Variants in FBXO9 observed in about 807,000 individuals in gnomAD.
The protein encoded by FBXO9 is F-box only protein 9.
FBXO9 carries 43 observed loss-of-function variants against 63.7 expected under a neutral mutation model. The observed-to-expected ratio is 0.67, with a 90% CI of 0.53 to 0.87. FBXO9 has a LOEUF of 0.87. Among genes scored for constraint, FBXO9 ranks in the 40% least tolerant of loss-of-function variants. The probability of loss-of-function intolerance (pLI) is 0.00; values close to 1 mark genes in which losing one functional copy is unlikely to be tolerated. For synonymous variants in FBXO9, 156 were observed against 171.7 expected (o/e 0.91, Z 0.72); for missense variants, 442 against 533.2 (o/e 0.83, Z 1.68).
chr6:53,096,317 A>G (rs1419480793), intron 12 of FBXO9, among the ~76,000 whole-genome samples: 1 of 152,244 alleles, frequency 6.6e-6, no homozygotes, highest in Non-Finnish European at 1.5e-5. Flanking sequence ...AATTAAGGTT[A>G]GCTCTTGTTC....
In FBXO9 at chr6:53,073,651, A is replaced by T; in HGVS notation, c.249+12A>T. 6.6e-7 allele frequency: 1 copy of T among 1,516,346 alleles called. No individual in the cohort carries two copies. Among genetic ancestry groups the T allele is most frequent in the Non-Finnish European group, 8.8e-7 (1 of 1,137,780 alleles). The allele number at this position is 1,516,346 out of a possible 1,614,324, so 93.9% of individuals were successfully genotyped here. On this transcript the variant is annotated intron_variant, in intron 3 of 12. Coordinates refer to ENST00000323557, the MANE Select transcript of FBXO9 (RefSeq NM_033480.3). The stretch of plus-strand genomic sequence containing the variant: ...CAAAAGAAGAAAAGTTAAGTATTAT[A>T]GATATTGTAACAAATTACATTTTTT...
chr6:53,078,827 A>C lies in FBXO9; in HGVS notation c.336A>C (p.Gln112His). 6.2e-7 allele frequency: 1 copy of C among 1,613,744 alleles called. No homozygotes were observed. The highest frequency in any genetic ancestry group is 8.5e-7 in the Non-Finnish European group (1 of 1,179,674). The change falls in exon 5 of 13, where the codon CAA becomes CAC. Residue 112 changes from glutamine to histidine, a missense_variant. Physicochemically the swap from Gln to His is conservative, Grantham distance 24. Transcript: ENST00000323557. Reference sequence around the variant, plus strand: ...TCAAGTTTTATCGTAGGGCTATGCAACTTGTACCTGATATAGAGTTCAAGA... The same window carrying C: ...TCAAGTTTTATCGTAGGGCTATGCACCTTGTACCTGATATAGAGTTCAAGA... ...EAIKFYRRAM[Q>H]LVPDIEFKIT... is the part of the protein sequence containing the mutation.
At chr6:53,093,302 C>G (rs1034442976) in intron 9 of FBXO9, 164 bp from the exon 10 acceptor site, 9 of 490,226 alleles carry the variant, frequency 1.8e-5, no homozygotes, top group Non-Finnish European at 3.2e-5. Context: ...GCTGGACTAA[C>G]AGGTAGTCAG....
chr6:53,071,264 A>G lies in FBXO9; in HGVS notation c.90+121A>G. Reference sequence around the variant, plus strand: ...GTTTGCATGGAATTTAACTGTTTCCATACTGGTTTATAGAATACTTAAAAC... The same window carrying G: ...GTTTGCATGGAATTTAACTGTTTCCGTACTGGTTTATAGAATACTTAAAAC... On this transcript the variant is annotated intron_variant, in intron 2 of 12. Coordinates refer to ENST00000323557, the MANE Select transcript of FBXO9 (RefSeq NM_033480.3). The G allele has an allele frequency of 3.4e-6, 3 of 892,940 alleles. 1 individual carries two copies. The highest frequency in any genetic ancestry group is 3.3e-5 in the African/African-American group (2 of 59,730). 55.3% of individuals were successfully genotyped at this position (892,940 alleles called of 1,614,324 possible). A position where few individuals can be genotyped will look rare whatever the true frequency, so the allele number is the denominator to read the frequency against.
chr6:53,069,875 A>G (rs1024322270), intron 1 of FBXO9, among the ~76,000 whole-genome samples: 3 of 152,174 alleles, frequency 2.0e-5, no homozygotes, highest in African/African-American at 7.2e-5. Context: ...AAGTTGGGTC[A>G]TGAGTACTTA....
At chr6:53,065,027 T>C (rs1224234623), upstream of FBXO9, 2 of 152,272 alleles carry the variant, frequency 1.3e-5, no homozygotes, top group Admixed American at 6.5e-5. Flanking sequence ...TCAAAAACTT[T>C]AGTCGTTATA....
At chr6:53,083,212 C>G (rs1251988464) in intron 7 of FBXO9, among the ~76,000 whole-genome samples, 1 of 152,122 alleles carries the variant, frequency 6.6e-6, no homozygotes. Context: ...TTTTTAAAAA[C>G]AACTTGTTCT....
Position 53,097,766 on chromosome 6 carries a change from T to C in FBXO9, c.1250T>C (p.Met417Thr), listed in dbSNP as rs1763251250. 2 of 1,608,214 alleles carry C rather than the reference T, an allele frequency of 1.2e-6. No individual in the cohort carries two copies. The highest frequency in any genetic ancestry group is 1.3e-5 in the African/African-American group (1 of 74,522). ...TAVSAFEIDK[M>T]YTPLFFARVR... ...GTCAGTGCTTTTGAGATTGACAAGA[T>C]GTACACCCCCTTGTTCTTCGCCAGA... Residue 417 changes from methionine (M) to threonine (T), a missense_variant, in exon 13 of 13, where the codon ATG becomes ACG. Transcript: ENST00000323557.
At chr6:53,075,254 G>T (rs944935767) in intron 3 of FBXO9, among the ~76,000 whole-genome samples, 11 of 151,520 alleles carry the variant, frequency 7.3e-5, no homozygotes, top group African/African-American at 2.7e-4. Context: ...TCGTGCCTTG[G>T]CCTCCCAAAT....
At chr6:53,067,166 A>G (rs1768734012) in intron 1 of FBXO9, among the ~76,000 whole-genome samples, 1 of 152,212 alleles carries the variant, frequency 6.6e-6, no homozygotes, top group African/African-American at 2.4e-5. Context: ...CAAACCTGCA[A>G]GGTGATTTAT....
In FBXO9 at chr6:53,093,155, C is replaced by G. The variant is rs1763095395; in HGVS notation, c.864-311C>G. The G allele has an allele frequency of 7.7e-6, 3 of 390,970 alleles. No homozygotes were observed. The South Asian group carries it at 2.1e-4, about 27-fold the overall frequency. 24.2% of individuals were successfully genotyped at this position (390,970 alleles called of 1,614,324 possible). On this transcript the variant is annotated intron_variant, in intron 9 of 12. Coordinates refer to ENST00000323557, the MANE Select transcript of FBXO9 (RefSeq NM_033480.3). ...GACATGTTAACCGTTGTGTGTGGCT[C>G]TCACTTTGTTTGAAATTGTTGCTTT...
chr6:53,065,928 G>A lies in FBXO9; in HGVS notation c.3+136G>A, dbSNP rs558615721. The A allele has an allele frequency of 1.4e-5, 17 of 1,178,214 alleles. No homozygotes were observed. In the African/African-American group the frequency reaches 2.1e-4, roughly 14 times the overall value. The allele number at this position is 1,178,214 out of a possible 1,614,324, so 73.0% of individuals were successfully genotyped here. ...CTTCACGGCTGCCACCCGTTAGAGG[G>A]CCCTGGCCTGAGAAGGAGTGCGTCG... is the stretch of plus-strand genomic sequence containing the variant. On this transcript the variant is annotated intron_variant, in intron 1 of 12. Coordinates refer to ENST00000323557, the MANE Select transcript of FBXO9 (RefSeq NM_033480.3).
At chr6:53,068,654 G>GTTTTT (rs55671320) in intron 1 of FBXO9, among the ~76,000 whole-genome samples, 3 of 132,208 alleles carry the variant, frequency 2.3e-5, no homozygotes, top group African/African-American at 2.8e-5. Context: ...ATATATATGT[G>GTTTTT]TTTTTTTTTT....
At chr6:53,080,054 T>C (rs1294799758) in intron 5 of FBXO9, among the ~76,000 whole-genome samples, 1 of 151,484 alleles carries the variant, frequency 6.6e-6, no homozygotes, top group African/African-American at 2.4e-5. Flanking sequence ...ATGTGCCAGA[T>C]GCTGTTAAGA....
At chr6:53,094,188 C>T (rs1440400566) in intron 11 of FBXO9, among the ~76,000 whole-genome samples, 1 of 151,834 alleles carries the variant, frequency 6.6e-6, no homozygotes, top group Non-Finnish European at 1.5e-5. Context: ...TTGTTTTTTA[C>T]CAGATAGTTT....
chr6:53,072,683 CAG>C (rs1411752660), intron 2 of FBXO9, among the ~76,000 whole-genome samples: 1 of 152,062 alleles, frequency 6.6e-6, no homozygotes, highest in Non-Finnish European at 1.5e-5. Context: ...GGCAACACAC[CAG>C]AGTCTACCTT....
rs541662175 is a variant in FBXO9, at chr6:53,079,289, A to G, written c.407+391A>G. 4.6e-5 allele frequency among the ~76,000 whole-genome samples: 7 copies of G among 152,310 alleles called. No individual in the cohort carries two copies. The East Asian group carries it at 7.7e-4, about 17-fold the overall frequency. On this transcript the variant is annotated intron_variant, in intron 5 of 12. Transcript: ENST00000323557. ...ATGGTTAAAATTGAGTGATGGGTAC[A>G]TGGGAGTTTATTACACTAGTTTCCT... is the stretch of plus-strand genomic sequence containing the variant.
chr6:53,082,577 G>A lies in FBXO9; in HGVS notation c.612G>A (p.Glu204=), dbSNP rs368489145. 13 of 1,613,678 alleles carry A rather than the reference G, an allele frequency of 8.1e-6. No homozygotes were observed. The highest frequency in any genetic ancestry group is 5.0e-5 in the Admixed American group (3 of 59,978). ...VSSDLDLRSL[E]QLSLVCRGFY... ...GTGACTTGGACCTCAGATCATTGGA[G>A]CAGTTGTCGCTGGTGTGCAGAGGAT... Residue 204 remains glutamate (E), a synonymous_variant, in exon 7 of 13, where the codon GAG becomes GAA. Transcript: ENST00000323557.
At chr6:53,070,959 A>G (rs1768894842) in intron 1 of FBXO9, 98 bp from the exon 2 acceptor site, 3 of 1,530,176 alleles carry the variant, frequency 2.0e-6, no homozygotes, top group Admixed American at 2.0e-5. Context: ...TGTTGACAGT[A>G]TGGTACTAAA....
Sources: allele counts gnomAD v4.1 joint callset (sites outside exome capture counted in the v4.1 genomes callset), GRCh38; gene constraint gnomAD v4.1.1; transcripts MANE v1.5; gene names NCBI Gene and HGNC (gene_info 2026-07-23, HGNC 2026-07-21).